LRRFIP2: variants seen among roughly 807,000 people sequenced by gnomAD.
LRRFIP2 encodes LRR binding FLII interacting protein 2.
LRRFIP2 carries 109 observed loss-of-function variants against 125.9 expected under a neutral mutation model. That is an observed-to-expected ratio of 0.87 (90% CI 0.74 to 1.01). The LOEUF (loss-of-function observed/expected upper bound fraction) is 1.01. Among genes scored for constraint, LRRFIP2 ranks in the 50% least tolerant of loss-of-function variants. The pLI, the probability that LRRFIP2 is intolerant of heterozygous loss-of-function variation, is 0.00. For missense variants in LRRFIP2, 850 were observed against 862.3 expected, an observed-to-expected ratio of 0.99 and a Z score of 0.18; for synonymous variants, 291 against 293.1, an observed-to-expected ratio of 0.99 and a Z score of 0.07.
chr3:37,083,542 T>C, intron 19 of LRRFIP2, 94 bp downstream of exon 19: 1 of 945,074 alleles, frequency 1.1e-6, no homozygotes, highest in Admixed American at 3.1e-5. Flanking sequence ...GACTGAAACA[T>C]CATTCCTAAA....
chr3:37,106,235 G>A (rs566953551), intron 13 of LRRFIP2, among the ~76,000 whole-genome samples: 2 of 152,288 alleles, frequency 1.3e-5, no homozygotes, highest in East Asian at 1.9e-4. Context: ...AACAATGTAA[G>A]TCAATGACAG....
At chr3:37,071,520 T>G (rs2091182151) in intron 21 of LRRFIP2, among the ~76,000 whole-genome samples, 1 of 151,992 alleles carries the variant, frequency 6.6e-6, no homozygotes, top group East Asian at 1.9e-4. Context: ...TAAGAGGTAA[T>G]GTAATCTTCC....
chr3:37,095,877 C>T (rs2093692207), intron 16 of LRRFIP2, among the ~76,000 whole-genome samples: 1 of 152,160 alleles, frequency 6.6e-6, no homozygotes, highest in African/African-American at 2.4e-5. Context: ...GAACTCCTGA[C>T]CTCAAGTGAT....
chr3:37,081,062 T>C (rs921037182), intron 19 of LRRFIP2, among the ~76,000 whole-genome samples: 7 of 151,976 alleles, frequency 4.6e-5, no homozygotes, highest in Non-Finnish European at 7.4e-5. Context: ...AGAAGGAGGA[T>C]TGGGCAATAC....
In LRRFIP2 at chr3:37,108,075, C is replaced by T. The variant is rs368205831; in HGVS notation, c.712G>A (p.Gly238Arg). The stretch of plus-strand genomic sequence containing the variant: ...CATGCAGAGACTAGACAGCTCACCC[C>T]TGGACTGCTTCGGGCTGAACTTATT... ...SRISSARSSP[G>R]FTNDDTASIV... Residue 238 changes from glycine to arginine, a missense_variant and splice_region_variant, in exon 13 of 28, where the codon GGG becomes AGG. Physicochemically the swap from Gly to Arg is moderately radical, Grantham distance 125. Coordinates refer to ENST00000336686, the MANE Select transcript of LRRFIP2 (RefSeq NM_006309.4). 152 of 1,613,814 alleles carry T rather than the reference C, an allele frequency of 9.4e-5. No individual in the cohort carries two copies. Among genetic ancestry groups the T allele is most frequent in the Middle Eastern group, 1.7e-4 (1 of 6,058 alleles).
rs770518022 is a variant in LRRFIP2, at chr3:37,111,078, A to AT, written c.439-14_439-13insA. 1 of 1,610,738 alleles carries AT rather than the reference A, an allele frequency of 6.2e-7. No homozygotes were observed. Among genetic ancestry groups the AT allele is most frequent in the Admixed American group, 1.7e-5 (1 of 59,896 alleles). ...AGTAGAGGCCACTCTGCAAAAAGCA[A>AT]AATTAAACACATTTTTCTTAGGCTA... On this transcript the variant is annotated splice_polypyrimidine_tract_variant and intron_variant, in intron 8 of 27. Transcript: ENST00000336686.
intron 1 of LRRFIP2, among the ~76,000 whole-genome samples, chr3:37,150,246 TGG>T (rs936028919): frequency 2.0e-5 from 3 of 152,126 alleles, no homozygotes; most frequent in African/African-American, 7.2e-5. Context: ...GTGGATCACC[TGG>T]GATCAGGAGT....
intron 21 of LRRFIP2, chr3:37,067,796 C>A (rs1420298451): frequency 6.6e-6 from 1 of 152,156 alleles, no homozygotes; most frequent in East Asian, 1.9e-4. Context: ...TTGAGGCTCA[C>A]AGTGGTTATA....
chr3:37,159,409 T>C (rs1267627373), intron 1 of LRRFIP2, among the ~76,000 whole-genome samples: 5 of 152,220 alleles, frequency 3.3e-5, no homozygotes, highest in Non-Finnish European at 5.9e-5. Flanking sequence ...AATTTTTTAA[T>C]TGGAAAAAGT....
chr3:37,084,238 C>T (rs1416465007), intron 18 of LRRFIP2, among the ~76,000 whole-genome samples: 5 of 152,138 alleles, frequency 3.3e-5, no homozygotes, highest in Non-Finnish European at 5.9e-5. Context: ...TTGAATTTTG[C>T]CACTTTCTAG....
chr3:37,124,310 T>C (rs1418950105), intron 4 of LRRFIP2, among the ~76,000 whole-genome samples: 1 of 152,244 alleles, frequency 6.6e-6, no homozygotes, highest in Non-Finnish European at 1.5e-5. Context: ...TTGACAAATG[T>C]GTTTACGTAA....
At chr3:37,100,402 A>G (rs1040039385) in intron 15 of LRRFIP2, among the ~76,000 whole-genome samples, 17 of 151,534 alleles carry the variant, frequency 1.1e-4, no homozygotes, top group African/African-American at 3.1e-4. Flanking sequence ...ATACATGTGT[A>G]TGTATATATA....
chr3:37,110,899 A>G, intron 9 of LRRFIP2, 92 bp downstream of exon 9: 1 of 1,109,450 alleles, frequency 9.0e-7, no homozygotes, highest in Non-Finnish European at 1.3e-6. Context: ...CCATTTACAG[A>G]TTAGTTACAG....
intron 4 of LRRFIP2, among the ~76,000 whole-genome samples, chr3:37,126,031 GT>G (rs66741353): frequency 0.021 from 2,693 of 129,840 alleles, 75 homozygotes; most frequent in African/African-American, 0.066. Context: ...TGTTGTTGTT[GT>G]TTGTTTGTTT....
At chr3:37,083,061 T>C (rs142345463) in intron 19 of LRRFIP2, among the ~76,000 whole-genome samples, 48 of 152,322 alleles carry the variant, frequency 3.2e-4, no homozygotes, top group African/African-American at 1.1e-3. Flanking sequence ...TTTTCTGCAG[T>C]TGTCAGAGAG....
At chr3:37,102,057 T>C (rs1218458087) in intron 15 of LRRFIP2, among the ~76,000 whole-genome samples, 1 of 152,252 alleles carries the variant, frequency 6.6e-6, no homozygotes, top group Non-Finnish European at 1.5e-5. Context: ...CTATATTTCA[T>C]TATTCAACTT....
Position 37,129,070 on chromosome 3 carries a change from T to C in LRRFIP2, c.170A>G (p.Gln57Arg), listed in dbSNP as rs753534539. 1.2e-6 allele frequency: 2 copies of C among 1,614,134 alleles called. No individual in the cohort carries two copies. Among genetic ancestry groups the C allele is most frequent in the Admixed American group, 3.3e-5 (2 of 60,030 alleles). Residue 57 changes from glutamine (Q) to arginine (R), a missense_variant, in exon 3 of 28, where the codon CAA becomes CGA. Coordinates refer to ENST00000336686, the MANE Select transcript of LRRFIP2 (RefSeq NM_006309.4). ...DIRMRELERQ[Q>R]KEYSLHSFDR... ...GTTATTCCCTCAAATTACCTCTTTT[T>C]GTTGTCGTTCCAGTTCTCTCATGCG...
intron 2 of LRRFIP2, among the ~76,000 whole-genome samples, chr3:37,137,440 C>T (rs1410870587): frequency 6.6e-6 from 1 of 152,122 alleles, no homozygotes; most frequent in African/African-American, 2.4e-5. Context: ...CTTTATAGTC[C>T]AAGTATAATT....
At chr3:37,141,094 T>C (rs1470271372) in intron 2 of LRRFIP2, among the ~76,000 whole-genome samples, 1 of 152,112 alleles carries the variant, frequency 6.6e-6, no homozygotes, top group Non-Finnish European at 1.5e-5. Flanking sequence ...GAGGTTGCAG[T>C]GAGCTAAGAT....
Sources: gnomAD v4.1 joint callset for allele counts (sites outside exome capture counted in the v4.1 genomes callset) on GRCh38, gnomAD v4.1.1 for gene constraint, MANE v1.5 for transcripts, NCBI Gene and HGNC (gene_info 2026-07-23, HGNC 2026-07-21) for gene names.